Variants in TMEM9B observed in about 807,000 individuals in gnomAD.
TMEM9B encodes the protein transmembrane protein 9B.
TMEM9B carries 8 observed loss-of-function variants against 23.5 expected under a neutral mutation model. The observed-to-expected ratio is 0.34, with a 90% CI of 0.20 to 0.61. The LOEUF (loss-of-function observed/expected upper bound fraction) is 0.61. Ranked by LOEUF, TMEM9B falls within the 20% of genes least tolerant of loss-of-function variation. TMEM9B has a pLI of 0.78. For synonymous variants in TMEM9B, 106 were observed against 96.3 expected (o/e 1.10, Z -0.59); for missense variants, 197 against 252.3 (o/e 0.78, Z 1.49).
intron 4 of TMEM9B, among the ~76,000 whole-genome samples, 161 bp from the exon 5 acceptor site, chr11:8,948,636 G>C (rs1044240290): frequency 3.9e-5 from 6 of 152,148 alleles, no homozygotes; most frequent in African/African-American, 1.4e-4. Context: ...CTACCAGATA[G>C]AGTATGAACT....
intron 2 of TMEM9B, 41 bp downstream of exon 2, chr11:8,962,051 G>C (rs1486532547): frequency 7.7e-7 from 1 of 1,304,342 alleles, no homozygotes. Flanking sequence ...GACAACCACA[G>C]AAACAAATGT....
intron 2 of TMEM9B, among the ~76,000 whole-genome samples, chr11:8,961,474 G>A (rs1435091212): frequency 1.3e-5 from 2 of 152,208 alleles, no homozygotes; most frequent in Non-Finnish European, 2.9e-5. Context: ...CTATTTGTCA[G>A]GTCTGCTGGG....
intron 4 of TMEM9B, among the ~76,000 whole-genome samples, chr11:8,950,192 T>G (rs932458625): frequency 1.3e-5 from 2 of 152,000 alleles, no homozygotes; most frequent in African/African-American, 4.8e-5. Context: ...TTTTCCATTA[T>G]GGCAATAAAT....
chr11:8,964,864 G>C (rs1326817630), upstream of TMEM9B: 1 of 156,094 alleles, frequency 6.4e-6, no homozygotes, highest in African/African-American at 2.4e-5. Context: ...AGGGTTGGGG[G>C]TGGTCTCTGC....
intron 3 of TMEM9B, among the ~76,000 whole-genome samples, chr11:8,954,795 A>G (rs538811817): frequency 2.8e-4 from 42 of 152,316 alleles, no homozygotes; most frequent in Middle Eastern, 6.8e-3. Flanking sequence ...TGTGACTATT[A>G]TAACTAACCA....
upstream of TMEM9B, chr11:8,964,590 G>A (rs971939818): frequency 2.5e-6 from 2 of 796,066 alleles, no homozygotes; most frequent in Admixed American, 7.7e-5. Context: ...GGGGCCTCTG[G>A]GGTGGCAGCC....
intron 2 of TMEM9B, 120 bp from the exon 3 acceptor site, chr11:8,956,418 C>T (rs902900820): frequency 1.5e-6 from 1 of 668,606 alleles, no homozygotes; most frequent in African/African-American, 1.8e-5. Flanking sequence ...GCATAAAAAA[C>T]AAATAATCAA....
chr11:8,955,532 G>A (rs1379474318), intron 3 of TMEM9B, among the ~76,000 whole-genome samples: 1 of 152,114 alleles, frequency 6.6e-6, no homozygotes, highest in Non-Finnish European at 1.5e-5. Flanking sequence ...AGATCATCAG[G>A]CATTAGATTC....
chr11:8,963,300 T>G (rs1297410094), intron 1 of TMEM9B, among the ~76,000 whole-genome samples: 2 of 152,222 alleles, frequency 1.3e-5, no homozygotes, highest in African/African-American at 4.8e-5. Flanking sequence ...TCCCCACTCC[T>G]ACATTTAAAG....
chr11:8,953,259 G>A lies in TMEM9B; in HGVS notation c.385C>T (p.Leu129=). 1 of 1,614,164 alleles carries A rather than the reference G, an allele frequency of 6.2e-7. No individual in the cohort carries two copies. The highest frequency in any genetic ancestry group is 8.5e-7 in the Non-Finnish European group (1 of 1,180,034). The change falls in exon 4 of 5, where the codon CTG becomes TTG. Residue 129 remains leucine, a synonymous_variant. Transcript: ENST00000534025. ...MVYLTLVEPI[L]KRRLFGHAQL... is the part of the protein sequence containing the mutation. ...GCATGTCCAAAGAGGCGCCTCTTCA[G>A]TATGGGCTCAACCAGAGTAAGATAT...
At position 8,956,282 on chromosome 11, in the gene TMEM9B, C is replaced by T. The variant is rs920616575; in HGVS notation, c.214G>A (p.Val72Met). The change falls in exon 3 of 5, where the codon GTG (valine) becomes ATG (methionine). Residue 72 changes from valine (V) to methionine (M), a missense_variant. By Grantham distance (21) the Val-to-Met change is conservative. Around this residue, in one of 2 missense-constraint regions of TMEM9B, gnomAD observed 141 missense variants for 214.1 expected, o/e 0.66. Transcript: ENST00000534025. ...GGCCCCCGCACAGGCATGGGCTCCA[C>T]AACATGAAGGCAATCACTGAAAAAA... is the stretch of plus-strand genomic sequence containing the variant. ...SQKDCDCLHV[V>M]EPMPVRGPDV... 6.2e-7 allele frequency: 1 copy of T among 1,613,498 alleles called. No individual in the cohort carries two copies. The highest frequency in any genetic ancestry group is 1.3e-5 in the African/African-American group (1 of 75,036).
chr11:8,950,761 G>GT (rs1853859524), intron 4 of TMEM9B, among the ~76,000 whole-genome samples: 1 of 152,232 alleles, frequency 6.6e-6, no homozygotes, highest in South Asian at 2.1e-4. Context: ...AGTAAATATT[G>GT]TGACTACTTG....
At chr11:8,964,664 G>A (rs1224525370), upstream of TMEM9B, 1 of 279,660 alleles carries the variant, frequency 3.6e-6, no homozygotes, top group Non-Finnish European at 6.4e-6. Flanking sequence ...GCGGGGCTTA[G>A]GGAGTCGCCA....
chr11:8,955,288 G>C (rs958611181), intron 3 of TMEM9B, among the ~76,000 whole-genome samples: 2 of 152,094 alleles, frequency 1.3e-5, no homozygotes, highest in African/African-American at 4.8e-5. Flanking sequence ...TTGGCACCAG[G>C]GACGGGACCA....
chr11:8,964,689 C>T (rs1854168153), upstream of TMEM9B: 1 of 211,576 alleles, frequency 4.7e-6, no homozygotes, highest in Non-Finnish European at 9.3e-6. Context: ...GCTGGAAAGT[C>T]CTCCCGCCCA....
chr11:8,953,060 G>C, intron 4 of TMEM9B, 143 bp downstream of exon 4: 2 of 948,290 alleles, frequency 2.1e-6, no homozygotes, highest in Non-Finnish European at 3.4e-6. Flanking sequence ...GGTATATACT[G>C]AAATCAGAGC....
Position 8,956,065 on chromosome 11 carries a change from G to T in TMEM9B, c.306+125C>A, listed in dbSNP as rs1050636029. 7 of 712,112 alleles carry T rather than the reference G, an allele frequency of 9.8e-6. No individual in the cohort carries two copies. The African/African-American group carries it at 1.1e-4, about 11-fold the overall frequency. The allele number at this position is 712,112 out of a possible 1,614,324, so 44.1% of individuals were successfully genotyped here. On this transcript the variant is annotated intron_variant, in intron 3 of 4. Coordinates refer to ENST00000534025, the MANE Select transcript of TMEM9B (RefSeq NM_020644.3). ...ACAAACCATGTCAGTGAGGCAGGCA[G>T]AACAGGCCCATTATTCCTTTTGGGG...
At chr11:8,961,503 T>C (rs1200836554) in intron 2 of TMEM9B, among the ~76,000 whole-genome samples, 56 of 152,356 alleles carry the variant, frequency 3.7e-4, no homozygotes, top group Non-Finnish European at 1.5e-4. Flanking sequence ...AGAAGGCTGC[T>C]GGTGGCTAGT....
In TMEM9B at chr11:8,964,302, C is replaced by T; in HGVS notation, c.12G>A (p.Leu4=). The T allele has an allele frequency of 6.3e-7, 1 of 1,580,080 alleles. No individual in the cohort carries two copies. Among genetic ancestry groups the T allele is most frequent in the South Asian group, 1.2e-5 (1 of 86,390 alleles). ...AGCCAAGCCGAAGAAGGCCTCCCCACAGGGTCGCCATCGCTGGGGGCCCAG... is the reference window on the plus strand; with the variant it reads ...AGCCAAGCCGAAGAAGGCCTCCCCATAGGGTCGCCATCGCTGGGGGCCCAG... MAT[L]WGGLLRLGSL... The change falls in exon 1 of 5, where the codon CTG becomes CTA. Residue 4 remains leucine (L), a synonymous_variant. Transcript: ENST00000534025.
Sources: allele counts gnomAD v4.1 joint callset (sites outside exome capture counted in the v4.1 genomes callset), GRCh38; gene constraint gnomAD v4.1.1; regional missense constraint gnomAD v4.1.1; transcripts MANE v1.5; gene names NCBI Gene and HGNC (gene_info 2026-07-23, HGNC 2026-07-21).